Variants in SFXN5 observed in about 807,000 individuals in gnomAD.
SFXN5 encodes the protein sideroflexin-5.
SFXN5 carries 43 observed loss-of-function variants against 50.2 expected under a neutral mutation model. The ratio of observed to expected loss-of-function variants is 0.86; its 90% CI spans 0.67 to 1.11. The LOEUF (loss-of-function observed/expected upper bound fraction) is 1.11, where lower values mean the gene tolerates loss of function less well. Among genes scored for constraint, SFXN5 ranks in the 50% least tolerant of loss-of-function variants. The probability of loss-of-function intolerance (pLI) is 0.00; values close to 1 mark genes in which losing one functional copy is unlikely to be tolerated. For synonymous variants in SFXN5, 203 were observed against 185.8 expected (o/e 1.09, Z -0.75); for missense variants, 463 against 454.1 (o/e 1.02, Z -0.18).
At chr2:73,004,315 G>GCACACACACACA (rs59114781) in intron 6 of SFXN5, among the ~76,000 whole-genome samples, 104 of 115,662 alleles carry the variant, frequency 9.0e-4, no homozygotes, top group Middle Eastern at 4.2e-3. Flanking sequence ...GAGTGCGCGC[G>GCACACACACACA]CACACACACA....
chr2:72,990,603 C>T (rs2105597645), intron 9 of SFXN5, among the ~76,000 whole-genome samples: 1 of 152,302 alleles, frequency 6.6e-6, no homozygotes, highest in South Asian at 2.1e-4. Flanking sequence ...ATGAGATCCC[C>T]ACAACAAGGC....
intron 1 of SFXN5, among the ~76,000 whole-genome samples, chr2:73,064,592 C>G (rs1273853893): frequency 1.3e-5 from 2 of 152,230 alleles, no homozygotes; most frequent in Non-Finnish European, 2.9e-5. Context: ...CATATCCCCC[C>G]TGCCTCCCAA....
rs1458329807 is a variant in SFXN5, at chr2:72,961,212, G to A, written c.864C>T (p.Leu288=). The A allele has an allele frequency of 1.3e-6, 2 of 1,548,750 alleles. No individual in the cohort carries two copies. Among genetic ancestry groups the A allele is most frequent in the Admixed American group, 2.1e-5 (1 of 47,880 alleles). The change falls in exon 13 of 14, where the codon CTC becomes CTT. Residue 288 remains leucine, a synonymous_variant. Transcript: ENST00000272433. The surrounding 1 kb of genome is among the most constrained non-coding windows in gnomAD (Gnocchi z 4.4). ...ALLQARPRLL[L]PVQSLVCLAA... ...CCAGGCACACGAGGCTTTGCACAGG[G>A]AGGAGCAGCCGGGGGCGTGCCTGCA...
intron 6 of SFXN5, among the ~76,000 whole-genome samples, chr2:73,009,589 A>G (rs1263612821): frequency 6.6e-6 from 1 of 152,222 alleles, no homozygotes; most frequent in Non-Finnish European, 1.5e-5. Flanking sequence ...GAGGTATCCC[A>G]GGCCATGCTC....
At chr2:72,987,624 G>A (rs1335032379) in intron 10 of SFXN5, among the ~76,000 whole-genome samples, 1 of 151,856 alleles carries the variant, frequency 6.6e-6, no homozygotes, top group Non-Finnish European at 1.5e-5. Context: ...GCATGGTGGC[G>A]CATGCCTGTA....
At chr2:73,038,230 A>G (rs1679206587) in intron 3 of SFXN5, among the ~76,000 whole-genome samples, 1 of 152,244 alleles carries the variant, frequency 6.6e-6, no homozygotes, top group African/African-American at 2.4e-5. Context: ...GGCAACTATA[A>G]CACAATGGTA....
intron 6 of SFXN5, among the ~76,000 whole-genome samples, chr2:73,004,810 T>C (rs1674409809): frequency 6.6e-6 from 1 of 152,186 alleles, no homozygotes; most frequent in East Asian, 1.9e-4. Context: ...AATTCCCTAT[T>C]AGGCAAAACG....
intron 10 of SFXN5, among the ~76,000 whole-genome samples, chr2:72,986,868 A>G (rs1440285314): frequency 1.3e-5 from 2 of 152,150 alleles, no homozygotes; most frequent in Admixed American, 1.3e-4. Context: ...GTGCGCCCAC[A>G]ATCACCTGCG....
intron 11 of SFXN5, 25 bp from the exon 12 acceptor site, chr2:72,968,558 G>C (rs1674752234): frequency 6.2e-7 from 1 of 1,610,810 alleles, no homozygotes; most frequent in Non-Finnish European, 8.5e-7. Flanking sequence ...GAAGCTGTGT[G>C]AGAGGGGCCT....
chr2:73,030,727 G>T (rs1678199659), intron 3 of SFXN5, among the ~76,000 whole-genome samples: 1 of 152,114 alleles, frequency 6.6e-6, no homozygotes, highest in African/African-American at 2.4e-5. Context: ...TCTCATACAA[G>T]TGGAATCACA....
At position 72,969,780 on chromosome 2, in the gene SFXN5, G is replaced by A. The variant is rs528634528; in HGVS notation, c.742-1247C>T. Among the ~76,000 whole-genome samples the A allele has an allele frequency of 2.0e-5, 3 of 151,372 alleles. No individual in the cohort carries two copies. In the East Asian group the frequency reaches 5.8e-4, roughly 29 times the overall value. On this transcript the variant is annotated intron_variant, in intron 11 of 13. Coordinates refer to ENST00000272433, the MANE Select transcript of SFXN5 (RefSeq NM_144579.3). Reference sequence around the variant, plus strand: ...CTTGGCTCTGGATGAGTCTTTCTCAGTGACAAGAAGTTGGTTCTGTAAGGG... The same window carrying A: ...CTTGGCTCTGGATGAGTCTTTCTCAATGACAAGAAGTTGGTTCTGTAAGGG...
At chr2:73,047,285 T>TATATATATATATATATACACAC (rs1268079277) in intron 2 of SFXN5, among the ~76,000 whole-genome samples, 1 of 92,522 alleles carries the variant, frequency 1.1e-5, no homozygotes. Context: ...TACACACATA[T>TATATATATATATATATACACAC]ATATATATAT....
chr2:73,009,417 TGCCAAGGTGGGAG>T (rs1675199835), intron 6 of SFXN5, among the ~76,000 whole-genome samples: 1 of 152,174 alleles, frequency 6.6e-6, no homozygotes, highest in African/African-American at 2.4e-5. Context: ...CATGTGAAAG[TGCCAAGGTGGGAG>T]GCCCAGGTTC....
At chr2:72,957,757 T>C (rs1292357839) in intron 13 of SFXN5, among the ~76,000 whole-genome samples, 1 of 152,238 alleles carries the variant, frequency 6.6e-6, no homozygotes, top group Non-Finnish European at 1.5e-5. Flanking sequence ...GCAAGTTGGC[T>C]GAAGGCTTTG....
At chr2:73,070,288 C>T (rs1683479931) in intron 1 of SFXN5, among the ~76,000 whole-genome samples, 1 of 152,164 alleles carries the variant, frequency 6.6e-6, no homozygotes, top group Admixed American at 6.5e-5. Flanking sequence ...GCTGAGATGG[C>T]CTACTTTTAA....
In SFXN5 at chr2:72,944,918, C is replaced by A. The variant is rs1671760557; in HGVS notation, c.*104G>T. The A allele has an allele frequency of 2.9e-6, 3 of 1,049,816 alleles. No homozygotes were observed. Among genetic ancestry groups the A allele is most frequent in the Non-Finnish European group, 4.3e-6 (3 of 705,156 alleles). 65.0% of individuals were successfully genotyped at this position (1,049,816 alleles called of 1,614,324 possible). On this transcript the variant is annotated 3_prime_UTR_variant, in exon 14 of 14. Transcript: ENST00000272433. Reference sequence around the variant, plus strand: ...CACTCTCCCAGGGGGCCCAGGACTGCTGGGGTTGGCGTGCTGCTCCCTGCA... The same window carrying A: ...CACTCTCCCAGGGGGCCCAGGACTGATGGGGTTGGCGTGCTGCTCCCTGCA...
Position 72,950,910 on chromosome 2 carries a change from G to C in SFXN5, c.946-5811C>G, listed in dbSNP as rs752697951. On this transcript the variant is annotated intron_variant, in intron 13 of 13. Coordinates refer to ENST00000272433, the MANE Select transcript of SFXN5 (RefSeq NM_144579.3). This position sits in a 1 kb window ranked among gnomAD's most constrained non-coding sequence, Gnocchi z 4.2. The stretch of plus-strand genomic sequence containing the variant: ...GGATGAGGAGAGAGGACAAGGAGTG[G>C]CCATAGGGAGAAGGGGTGGCCCAGG... 2.0e-5 allele frequency among the ~76,000 whole-genome samples: 3 copies of C among 152,222 alleles called. No homozygotes were observed. Among genetic ancestry groups the C allele is most frequent in the Admixed American group, 1.3e-4 (2 of 15,286 alleles).
At position 73,056,412 on chromosome 2, in the gene SFXN5, G is replaced by A. The variant is rs556049562; in HGVS notation, c.171+2116C>T. 2.4e-4 allele frequency among the ~76,000 whole-genome samples: 37 copies of A among 151,348 alleles called. 1 individual carries two copies. In the South Asian group the frequency reaches 3.1e-3, roughly 13 times the overall value. The stretch of plus-strand genomic sequence containing the variant: ...AAAAAAAAGTATGTCAAGGCCAGGC[G>A]CAGTGGCTTACGCCTGTAACCCCAG... On this transcript the variant is annotated intron_variant, in intron 2 of 13. Coordinates refer to ENST00000272433, the MANE Select transcript of SFXN5 (RefSeq NM_144579.3).
intron 10 of SFXN5, among the ~76,000 whole-genome samples, chr2:72,978,833 C>T (rs1489559091): frequency 6.6e-6 from 1 of 152,122 alleles, no homozygotes; most frequent in East Asian, 1.9e-4. Context: ...TTTAAATTCC[C>T]CAGGTGATTA....
Sources: allele counts gnomAD v4.1 joint callset (sites outside exome capture counted in the v4.1 genomes callset), GRCh38; gene constraint gnomAD v4.1.1; non-coding constraint Gnocchi (gnomAD v3.1); transcripts MANE v1.5; gene names NCBI Gene and HGNC (gene_info 2026-07-23, HGNC 2026-07-21).